Variants in TMEM132D observed in about 807,000 individuals in gnomAD.
TMEM132D encodes transmembrane protein 132D.
Under a neutral mutation model 62.3 loss-of-function variants are expected in TMEM132D, and 21 were observed. The ratio of observed to expected loss-of-function variants is 0.34; its 90% confidence interval spans 0.24 to 0.49. TMEM132D has a LOEUF of 0.49. TMEM132D is among the 20% of genes least tolerant of loss of function. The pLI is 0.99. For synonymous variants in TMEM132D, 621 were observed against 575.6 expected (o/e 1.08, Z -1.13); for missense variants, 1,346 against 1,402.8 (o/e 0.96, Z 0.65).
chr12:129,202,227 C>T (rs1261431384), intron 5 of TMEM132D, among the ~76,000 whole-genome samples: 1 of 152,168 alleles, frequency 6.6e-6, no homozygotes, highest in African/African-American at 2.4e-5. Flanking sequence ...AAAGGCCGAC[C>T]TTCTCTGCTC....
intron 2 of TMEM132D, among the ~76,000 whole-genome samples, chr12:129,606,916 T>A (rs1443428999): frequency 1.3e-5 from 2 of 152,210 alleles, no homozygotes; most frequent in Non-Finnish European, 2.9e-5. Flanking sequence ...CAGTGAGAGG[T>A]GGCAGGTGCA....
At chr12:129,439,063 C>T (rs1016632922) in intron 3 of TMEM132D, among the ~76,000 whole-genome samples, 1 of 152,178 alleles carries the variant, frequency 6.6e-6, no homozygotes, top group African/African-American at 2.4e-5. Context: ...CCAGTAGCTA[C>T]AAGATGTACA....
At chr12:129,497,716 T>G (rs7959437) in intron 3 of TMEM132D, among the ~76,000 whole-genome samples, 113,698 of 151,744 alleles carry the variant, frequency 0.75, 42,585 homozygotes, top group South Asian at 0.81. Flanking sequence ...CTGGAATACA[T>G]TGGTGTGATC....
At chr12:129,825,219 T>C (rs1872632066) in intron 1 of TMEM132D, among the ~76,000 whole-genome samples, 2 of 151,862 alleles carry the variant, frequency 1.3e-5, no homozygotes, top group Admixed American at 1.3e-4. Flanking sequence ...GGTTTTGCCA[T>C]GTTGGCCAGG....
intron 4 of TMEM132D, among the ~76,000 whole-genome samples, chr12:129,292,457 T>C (rs755421644): frequency 6.6e-6 from 1 of 152,096 alleles, no homozygotes; most frequent in African/African-American, 2.4e-5. Context: ...GCAAATGAGA[T>C]TGATCCATCC....
intron 1 of TMEM132D, among the ~76,000 whole-genome samples, chr12:129,830,800 A>C (rs555724846): frequency 2.2e-4 from 33 of 152,296 alleles, no homozygotes; most frequent in Non-Finnish European, 2.8e-4. Flanking sequence ...TATTACAACG[A>C]TTATTTAAAA....
At chr12:129,870,597 T>C (rs112438313) in intron 1 of TMEM132D, among the ~76,000 whole-genome samples, 1 of 152,160 alleles carries the variant, frequency 6.6e-6, no homozygotes, top group East Asian at 1.9e-4. Context: ...CCTAGCTATC[T>C]CCTCCATGTG....
chr12:129,202,426 C>T (rs1405192285), intron 5 of TMEM132D, among the ~76,000 whole-genome samples: 1 of 152,180 alleles, frequency 6.6e-6, no homozygotes, highest in Non-Finnish European at 1.5e-5. Context: ...TTAAGTTGTG[C>T]ATCGGGCTTT....
intron 3 of TMEM132D, among the ~76,000 whole-genome samples, chr12:129,373,950 G>GA (rs898111927): frequency 5.3e-5 from 8 of 151,986 alleles, no homozygotes; most frequent in East Asian, 1.9e-4. Flanking sequence ...GGAAGGCAAG[G>GA]AAAAAATGAG....
intron 5 of TMEM132D, among the ~76,000 whole-genome samples, chr12:129,119,447 A>G (rs935953542): frequency 6.6e-6 from 1 of 152,224 alleles, no homozygotes; most frequent in African/African-American, 2.4e-5. Context: ...CACCATAAAA[A>G]AGAATGAAAT....
At chr12:129,613,721 T>C (rs1878838878) in intron 2 of TMEM132D, among the ~76,000 whole-genome samples, 1 of 151,990 alleles carries the variant, frequency 6.6e-6, no homozygotes, top group Non-Finnish European at 1.5e-5. Context: ...CAGGCAACTG[T>C]CTCCAGAACC....
chr12:129,366,984 C>A (rs76044741), intron 3 of TMEM132D, among the ~76,000 whole-genome samples: 3 of 152,194 alleles, frequency 2.0e-5, no homozygotes, highest in East Asian at 3.9e-4. Context: ...AAGCACGCAG[C>A]GAGAAGACAA....
chr12:129,244,402 A>AAAAC (rs1283592708), intron 4 of TMEM132D, among the ~76,000 whole-genome samples: 1 of 84,200 alleles, frequency 1.2e-5, no homozygotes, highest in African/African-American at 4.7e-5. Flanking sequence ...AAAAAAAAAA[A>AAAAC]AAAAAAACAA....
At chr12:129,171,376 A>C (rs1161238978) in intron 5 of TMEM132D, among the ~76,000 whole-genome samples, 1 of 152,026 alleles carries the variant, frequency 6.6e-6, no homozygotes, top group Non-Finnish European at 1.5e-5. Flanking sequence ...TAAACCCCTC[A>C]AAGTCATCTA....
At chr12:129,126,299 T>A (rs1354009873) in intron 5 of TMEM132D, among the ~76,000 whole-genome samples, 1 of 152,172 alleles carries the variant, frequency 6.6e-6, no homozygotes, top group Non-Finnish European at 1.5e-5. Flanking sequence ...TTAAAAATGT[T>A]TTGGTGGCTC....
chr12:129,617,557 T>A (rs1593091025), intron 2 of TMEM132D, among the ~76,000 whole-genome samples: 5 of 143,658 alleles, frequency 3.5e-5, no homozygotes, highest in Admixed American at 3.4e-4. Flanking sequence ...TCCTGAGGGG[T>A]CTTGAGGCTT....
At chr12:129,204,269 A>G (rs987986189) in intron 5 of TMEM132D, among the ~76,000 whole-genome samples, 1 of 152,238 alleles carries the variant, frequency 6.6e-6, no homozygotes, top group Non-Finnish European at 1.5e-5. Context: ...AACCCAATCT[A>G]AGGAAATTAA....
intron 1 of TMEM132D, among the ~76,000 whole-genome samples, chr12:129,796,302 C>T (rs1871559030): frequency 6.6e-6 from 1 of 152,132 alleles, no homozygotes. Flanking sequence ...ATCTTTCCCA[C>T]CTACTCATTT....
chr12:129,258,100 T>C (rs1880455896), intron 4 of TMEM132D, among the ~76,000 whole-genome samples: 1 of 152,128 alleles, frequency 6.6e-6, no homozygotes, highest in Non-Finnish European at 1.5e-5. Context: ...ACTAGACACA[T>C]GTGCTGGAAT....
Sources: allele counts gnomAD v4.1 joint callset (sites outside exome capture counted in the v4.1 genomes callset), GRCh38; gene constraint gnomAD v4.1.1; transcripts MANE v1.5; gene names NCBI Gene and HGNC (gene_info 2026-07-23, HGNC 2026-07-21).